The following SVOP variants were observed in gnomAD, a reference collection of about 807,000 sequenced individuals.
The protein encoded by SVOP is SV2 related protein.
Under a neutral mutation model 69.1 loss-of-function variants are expected in SVOP, and 17 were observed. That is an observed-to-expected ratio of 0.25 (90% CI 0.17 to 0.37). SVOP has a LOEUF of 0.37. SVOP is among the 10% of genes least tolerant of loss of function. SVOP has a pLI of 1.00. For missense variants in SVOP, 435 were observed against 597.5 expected (o/e 0.73, Z 2.84); for synonymous variants, 238 against 238.6 (o/e 1.00, Z 0.02).
chr12:108,996,035 G>A (rs984770961), intron 1 of SVOP, among the ~76,000 whole-genome samples: 13 of 151,912 alleles, frequency 8.6e-5, no homozygotes, highest in African/African-American at 3.1e-4. Flanking sequence ...GATCTGTAAG[G>A]GTCAACAGGG....
chr12:108,915,736 G>A (rs1161850474), intron 15 of SVOP, 47 bp downstream of exon 15: 2 of 1,549,114 alleles, frequency 1.3e-6, no homozygotes, highest in East Asian at 2.4e-5. Flanking sequence ...TGCCATGCAT[G>A]GGGTTTTGTC....
At chr12:109,018,224 A>G (rs917651522) in intron 1 of SVOP, among the ~76,000 whole-genome samples, 2 of 152,228 alleles carry the variant, frequency 1.3e-5, no homozygotes, top group Non-Finnish European at 2.9e-5. Context: ...AGGTCACACA[A>G]AAAGGCAGAA....
chr12:108,917,413 A>G (rs1466644451), intron 14 of SVOP, among the ~76,000 whole-genome samples: 1 of 152,210 alleles, frequency 6.6e-6, no homozygotes, highest in East Asian at 1.9e-4. Flanking sequence ...CAAAATGCCT[A>G]AATTCTCTCC....
chr12:108,948,474 G>T (rs2039936812), intron 6 of SVOP, among the ~76,000 whole-genome samples: 1 of 152,210 alleles, frequency 6.6e-6, no homozygotes, highest in Non-Finnish European at 1.5e-5. Flanking sequence ...CAGAGAAGTT[G>T]TTACTTGACC....
chr12:108,954,297 T>A (rs1028199931), intron 6 of SVOP, among the ~76,000 whole-genome samples: 4 of 151,974 alleles, frequency 2.6e-5, no homozygotes, highest in Non-Finnish European at 5.9e-5. Flanking sequence ...AATATCTACA[T>A]CCTAAGATGA....
intron 6 of SVOP, among the ~76,000 whole-genome samples, chr12:108,958,149 G>A (rs2039996083): frequency 6.6e-6 from 1 of 152,166 alleles, no homozygotes; most frequent in African/African-American, 2.4e-5. Context: ...CTCATAGGCA[G>A]TGCACCCAGA....
intron 1 of SVOP, among the ~76,000 whole-genome samples, chr12:108,984,279 A>G (rs1306605978): frequency 1.3e-5 from 2 of 152,108 alleles, no homozygotes; most frequent in Non-Finnish European, 2.9e-5. Flanking sequence ...CAGCCTCCCA[A>G]AGTTCTGGGA....
In SVOP at chr12:108,912,331, AC is replaced by A; in HGVS notation, c.*203del. On this transcript the variant is annotated 3_prime_UTR_variant, in exon 16 of 16. Coordinates refer to ENST00000610966, the MANE Select transcript of SVOP (RefSeq NM_018711.5). ...AAAGCTTTCACCACATATACAGAGA[AC>A]CCCCTAGAGCAAACATCTCCCCATC... The A allele has an allele frequency of 7.0e-7, 1 of 1,435,480 alleles. No homozygotes were observed. The highest frequency in any genetic ancestry group is 1.5e-5 in the South Asian group (1 of 67,390). 88.9% of individuals were successfully genotyped at this position (1,435,480 alleles called of 1,614,324 possible). A position where few individuals can be genotyped will look rare whatever the true frequency, so the allele number is the denominator to read the frequency against.
chr12:108,926,746 T>A lies in SVOP; in HGVS notation c.1049-3949A>T, dbSNP rs568298189. Among the ~76,000 whole-genome samples the A allele has an allele frequency of 2.2e-4, 33 of 152,384 alleles. No homozygotes were observed. In the South Asian group the frequency reaches 3.3e-3, roughly 15 times the overall value. ...TATTGACCAGTTTTGCCTCTAATTGTAAATTCACTTCAGCATTTCTGATTG... is the reference window on the plus strand; with the variant it reads ...TATTGACCAGTTTTGCCTCTAATTGAAAATTCACTTCAGCATTTCTGATTG... On this transcript the variant is annotated intron_variant, in intron 11 of 15. Coordinates refer to ENST00000610966, the MANE Select transcript of SVOP (RefSeq NM_018711.5).
chr12:108,965,238 A>G (rs149016905), intron 5 of SVOP, among the ~76,000 whole-genome samples: 58 of 152,318 alleles, frequency 3.8e-4, no homozygotes, highest in Non-Finnish European at 6.3e-4. Flanking sequence ...TTTCATGTCT[A>G]CTTTACAAAT....
At position 108,937,391 on chromosome 12, in the gene SVOP, G is replaced by A. The variant is rs905360961; in HGVS notation, c.898-54C>T. On this transcript the variant is annotated intron_variant, in intron 9 of 15. Coordinates refer to ENST00000610966, the MANE Select transcript of SVOP (RefSeq NM_018711.5). ...TTCTCTCCCCTACAGATGCACGGGAGATGGGCTGGTGGCCTGAGACTAGTG... is the reference window on the plus strand; with the variant it reads ...TTCTCTCCCCTACAGATGCACGGGAAATGGGCTGGTGGCCTGAGACTAGTG... The A allele has an allele frequency of 5.8e-6, 9 of 1,561,014 alleles. No individual in the cohort carries two copies. In the African/African-American group the frequency reaches 1.2e-4, roughly 21 times the overall value.
At chr12:108,918,238 C>T (rs1448926945) in intron 13 of SVOP, 114 bp from the exon 14 acceptor site, 2 of 697,504 alleles carry the variant, frequency 2.9e-6, no homozygotes, top group African/African-American at 1.8e-5. Context: ...GTTACCCCTC[C>T]CCGATGCTCA....
At chr12:109,004,111 A>G (rs1375511605) in intron 1 of SVOP, among the ~76,000 whole-genome samples, 1 of 152,162 alleles carries the variant, frequency 6.6e-6, no homozygotes, top group East Asian at 1.9e-4. Context: ...ATGAGCCAAG[A>G]TTTCCTGAGG....
At chr12:108,975,013 CAT>C (rs752766442) in intron 4 of SVOP, among the ~76,000 whole-genome samples, 1 of 152,308 alleles carries the variant, frequency 6.6e-6, no homozygotes, top group East Asian at 1.9e-4. Flanking sequence ...AATGTAAAAA[CAT>C]GTGACAGTCC....
At position 108,938,880 on chromosome 12, in the gene SVOP, C is replaced by T; in HGVS notation, c.844G>A (p.Ala282Thr). The T allele has an allele frequency of 6.2e-7, 1 of 1,614,020 alleles. No homozygotes were observed. The change falls in exon 9 of 16, where the codon GCA becomes ACA. Residue 282 changes from alanine to threonine, a missense_variant. Ala to Thr is a moderately conservative substitution (Grantham distance 58). Transcript: ENST00000610966. ...GGCATGGGAGCTCCGTTTTCAGTTG[C>T]TATCCTCTTTAAGGTGGCGATTGCC... ...EKAIATLKRI[A>T]TENGAPMPLG...
At chr12:108,958,839 C>T (rs760330050) in intron 6 of SVOP, among the ~76,000 whole-genome samples, 2 of 152,078 alleles carry the variant, frequency 1.3e-5, no homozygotes, top group Non-Finnish European at 2.9e-5. Flanking sequence ...CTAGCCCCCC[C>T]GCCCCAATCT....
At chr12:108,912,857 G>C in intron 15 of SVOP, 116 bp from the exon 16 acceptor site, 1 of 1,054,886 alleles carries the variant, frequency 9.5e-7, no homozygotes, top group Non-Finnish European at 1.4e-6. Context: ...TGCTAAAAAG[G>C]ATCTGGTGAT....
intron 1 of SVOP, among the ~76,000 whole-genome samples, chr12:109,020,401 C>T (rs1173910025): frequency 6.6e-6 from 1 of 152,152 alleles, no homozygotes. Flanking sequence ...GCATCAGTAT[C>T]ATTCCCTTCC....
intron 11 of SVOP, among the ~76,000 whole-genome samples, chr12:108,928,031 G>A (rs185369857): frequency 2.6e-5 from 4 of 151,432 alleles, no homozygotes; most frequent in Admixed American, 6.6e-5. Context: ...TTGGCCTCCC[G>A]AGTAGCTGGG....
Sources: gnomAD v4.1 joint callset for allele counts (sites outside exome capture counted in the v4.1 genomes callset) on GRCh38, gnomAD v4.1.1 for gene constraint, MANE v1.5 for transcripts, NCBI Gene and HGNC (gene_info 2026-07-23, HGNC 2026-07-21) for gene names.